PHGDH: variants seen among roughly 807,000 people sequenced by gnomAD.
PHGDH encodes the protein phosphoglycerate dehydrogenase, also known as D-3-phosphoglycerate dehydrogenase.
PHGDH carries 50 observed loss-of-function variants against 52.6 expected under a neutral mutation model. The ratio of observed to expected loss-of-function variants is 0.95; its 90% CI spans 0.76 to 1.20. The LOEUF is 1.20. PHGDH is among the 50% of genes most tolerant of loss of function. The probability of loss-of-function intolerance (pLI) is 0.00; values close to 1 mark genes in which losing one functional copy is unlikely to be tolerated. For missense variants in PHGDH, 630 were observed against 684.6 expected (o/e 0.92, Z 0.89); for synonymous variants, 271 against 280.5 (o/e 0.97, Z 0.34).
chr1:119,742,004 C>T lies in PHGDH; in HGVS notation c.1209+107C>T, dbSNP rs976052671. The T allele has an allele frequency of 2.7e-5, 26 of 948,188 alleles. No individual in the cohort carries two copies. The African/African-American group carries it at 3.9e-4, about 14-fold the overall frequency. The allele number at this position is 948,188 out of a possible 1,614,324, so 58.7% of individuals were successfully genotyped here. A position where few individuals can be genotyped will look rare whatever the true frequency, so the allele number is the denominator to read the frequency against. ...AGCGGAGGCCTAGGTCCCAGCCTTG[C>T]ATCGGCCTGTCTACCTGTGAGGGGT... is the stretch of plus-strand genomic sequence containing the variant. On this transcript the variant is annotated intron_variant, in intron 10 of 11. Transcript: ENST00000641023.
intron 1 of PHGDH, 93 bp from the exon 2 acceptor site, chr1:119,721,077 C>T: frequency 8.5e-7 from 1 of 1,182,640 alleles, no homozygotes; most frequent in Middle Eastern, 1.9e-4. Flanking sequence ...TCCGGAAATG[C>T]ATCTCTTACT....
chr1:119,743,815 A>C (rs1314419052), intron 11 of PHGDH, 71 bp from the exon 12 acceptor site: 1 of 1,191,634 alleles, frequency 8.4e-7, no homozygotes. Flanking sequence ...TGAACTTCTG[A>C]TTCTGCTCCC....
At chr1:119,733,525 G>T (rs961185613) in intron 5 of PHGDH, among the ~76,000 whole-genome samples, 3 of 149,476 alleles carry the variant, frequency 2.0e-5, no homozygotes, top group East Asian at 2.0e-4. Context: ...TGTAGGGGGG[G>T]GGGTCTGACT....
intron 5 of PHGDH, among the ~76,000 whole-genome samples, chr1:119,732,704 C>G (rs1243184390): frequency 1.3e-5 from 2 of 152,200 alleles, no homozygotes; most frequent in African/African-American, 4.8e-5. Flanking sequence ...GAAGCTGAGT[C>G]AGTGCTTCGC....
chr1:119,730,380 C>T (rs943053428), intron 5 of PHGDH, among the ~76,000 whole-genome samples: 16 of 152,134 alleles, frequency 1.1e-4, no homozygotes, highest in African/African-American at 3.9e-4. Flanking sequence ...TAAAGGAATG[C>T]ATTCTCATAT....
At position 119,742,934 on chromosome 1, in the gene PHGDH, A is replaced by T; in HGVS notation, c.1337A>T (p.Gln446Leu). 1 of 1,613,732 alleles carries T rather than the reference A, an allele frequency of 6.2e-7. No homozygotes were observed. The highest frequency in any genetic ancestry group is 8.5e-7 in the Non-Finnish European group (1 of 1,179,588). The change falls in exon 11 of 12, where the codon CAG (glutamine) becomes CTG (leucine). Residue 446 changes from glutamine (Q) to leucine (L), a missense_variant. By Grantham distance (113) the Gln-to-Leu change is moderately radical. Coordinates refer to ENST00000641023, the MANE Select transcript of PHGDH (RefSeq NM_006623.4). ...GTCCAAGGCACTACGCCTGTACTGC[A>T]GGGGCTCAATGGAGCTGTCTTCAGG... ...GLVQGTTPVL[Q>L]GLNGAVFRPE... is the part of the protein sequence containing the mutation.
Position 119,744,215 on chromosome 1 carries a change from A to C in PHGDH, c.*175A>C. On this transcript the variant is annotated 3_prime_UTR_variant, in exon 12 of 12. Coordinates refer to ENST00000641023, the MANE Select transcript of PHGDH (RefSeq NM_006623.4). ...CCGTCTAATAAAGAGCCTACCCCCAACTCCTTCTGCACTTTTGTGTGGTCA... is the reference window on the plus strand; with the variant it reads ...CCGTCTAATAAAGAGCCTACCCCCACCTCCTTCTGCACTTTTGTGTGGTCA... 1 of 664,794 alleles carries C rather than the reference A, an allele frequency of 1.5e-6. No homozygotes were observed. Among genetic ancestry groups the C allele is most frequent in the Non-Finnish European group, 2.7e-6 (1 of 370,910 alleles). 41.2% of individuals were successfully genotyped at this position (664,794 alleles called of 1,614,324 possible).
chr1:119,720,938 C>T lies in PHGDH; in HGVS notation c.139-232C>T, dbSNP rs41276628. On this transcript the variant is annotated intron_variant, in intron 1 of 11. Coordinates refer to ENST00000641023, the MANE Select transcript of PHGDH (RefSeq NM_006623.4). ...CCTTTCTTGAGCATGCCAAACAAAGCGGTTGGTGTGTTAGAGGCACAGTCT... is the reference window on the plus strand; with the variant it reads ...CCTTTCTTGAGCATGCCAAACAAAGTGGTTGGTGTGTTAGAGGCACAGTCT... The T allele has an allele frequency of 4.6e-3, 2,481 of 539,090 alleles. 19 individuals are homozygous for T. Among genetic ancestry groups the T allele is most frequent in the Non-Finnish European group, 6.9e-3 (2,019 of 294,378 alleles). The allele number at this position is 539,090 out of a possible 1,614,324, so 33.4% of individuals were successfully genotyped here.
rs762169650 is a variant in PHGDH, at chr1:119,727,101, A to G, written c.509A>G (p.Lys170Arg). 6.4e-7 allele frequency: 1 copy of G among 1,574,622 alleles called. No homozygotes were observed. Among genetic ancestry groups the G allele is most frequent in the South Asian group, 1.1e-5 (1 of 90,322 alleles). Reference protein sequence around the residue: ...VATRMQSFGMKTIGYDPIISP... With the variant: ...VATRMQSFGMRTIGYDPIISP... ...ACCCGGATGCAGTCCTTTGGGATGA[A>G]GGTAAGATGTTGCTGGAACCCTGTG... Residue 170 changes from lysine to arginine, a missense_variant and splice_region_variant, in exon 5 of 12, where the codon AAG (lysine) becomes AGG (arginine). Coordinates refer to ENST00000641023, the MANE Select transcript of PHGDH (RefSeq NM_006623.4).
At chr1:119,731,926 G>A (rs587664934) in intron 5 of PHGDH, among the ~76,000 whole-genome samples, 5 of 152,284 alleles carry the variant, frequency 3.3e-5, no homozygotes, top group South Asian at 4.1e-4. Context: ...CAAGAGCCTC[G>A]GGTTCTGGCA....
At chr1:119,723,299 T>A in intron 2 of PHGDH, 77 bp from the exon 3 acceptor site, 1 of 1,155,372 alleles carries the variant, frequency 8.7e-7, no homozygotes, top group Non-Finnish European at 1.3e-6. Context: ...CAGCCTGCAC[T>A]CAAGGCTTTC....
intron 2 of PHGDH, 34 bp downstream of exon 2, chr1:119,721,355 A>AG (rs758447458): frequency 6.2e-7 from 1 of 1,607,462 alleles, no homozygotes; most frequent in African/African-American, 1.3e-5. Context: ...GTTTGGGGGT[A>AG]GGGGGGTGAG....
At chr1:119,741,677 A>G (rs373482034) in intron 9 of PHGDH, 90 bp from the exon 10 acceptor site, 6 of 1,211,890 alleles carry the variant, frequency 5.0e-6, no homozygotes, top group Non-Finnish European at 7.4e-6. Context: ...CGAGGAGCCC[A>G]TAGTCCAGAG....
chr1:119,716,958 A>G (rs1445903507), intron 1 of PHGDH, among the ~76,000 whole-genome samples: 2 of 152,164 alleles, frequency 1.3e-5, no homozygotes, highest in Non-Finnish European at 2.9e-5. Context: ...TTAAAAATCT[A>G]TATTTCCTTG....
chr1:119,720,940 G>A (rs1651122911), intron 1 of PHGDH: 3 of 549,338 alleles, frequency 5.5e-6, no homozygotes, highest in Middle Eastern at 4.2e-4. Context: ...AAACAAAGCG[G>A]TTGGTGTGTT....
At chr1:119,712,750 G>T (rs1465340253) in intron 1 of PHGDH, 1 of 171,960 alleles carries the variant, frequency 5.8e-6, no homozygotes, top group Non-Finnish European at 1.2e-5. Context: ...GCAGCTGGAG[G>T]GGAAGGCAGC....
chr1:119,724,503 A>T (rs1481460445), intron 3 of PHGDH: 2 of 342,368 alleles, frequency 5.8e-6, no homozygotes, highest in Non-Finnish European at 1.1e-5. Flanking sequence ...GGAAAGGAGA[A>T]ACAGGGATAG....
At chr1:119,717,291 G>A (rs1650979147) in intron 1 of PHGDH, among the ~76,000 whole-genome samples, 1 of 140,272 alleles carries the variant, frequency 7.1e-6, no homozygotes, top group African/African-American at 2.6e-5. Flanking sequence ...ATCACTTTTG[G>A]TGATGAATCC....
At chr1:119,735,519 G>A (rs1268566622) in intron 7 of PHGDH, 76 bp downstream of exon 7, 3 of 1,442,782 alleles carry the variant, frequency 2.1e-6, no homozygotes, top group Non-Finnish European at 2.9e-6. Context: ...GGGAAAGCCT[G>A]GCGTTTTACA....
Sources: allele counts gnomAD v4.1 joint callset (sites outside exome capture counted in the v4.1 genomes callset), GRCh38; gene constraint gnomAD v4.1.1; transcripts MANE v1.5; gene names NCBI Gene and HGNC (gene_info 2026-07-23, HGNC 2026-07-21).